TP53BP2: variants seen among roughly 807,000 people sequenced by gnomAD.
The protein encoded by TP53BP2 is apoptosis-stimulating of p53 protein 2.
A neutral mutation model predicts 126.2 loss-of-function variants in TP53BP2; 62 were observed. The observed-to-expected ratio is 0.49, with a 90% confidence interval of 0.40 to 0.61. The LOEUF (loss-of-function observed/expected upper bound fraction) is 0.61, where lower values mean the gene tolerates loss of function less well. Among genes scored for constraint, TP53BP2 ranks in the 20% least tolerant of loss-of-function variants. TP53BP2 has a pLI of 0.00. For synonymous variants in TP53BP2, 485 were observed against 502.9 expected (o/e 0.96, Z 0.48); for missense variants, 1,215 against 1,402.8 (o/e 0.87, Z 2.14).
At chr1:223,831,480 A>AAAAAATATATAT (rs1287271743) in intron 1 of TP53BP2, among the ~76,000 whole-genome samples, 1 of 32,464 alleles carries the variant, frequency 3.1e-5, no homozygotes, top group Non-Finnish European at 6.5e-5. Context: ...AAAAAAAAAA[A>AAAAAATATATAT]ATATATATAT....
Position 223,789,101 on chromosome 1 carries a change from C to T in TP53BP2, c.3070G>A (p.Val1024Met), listed in dbSNP as rs754085262. ...ATGTCACTGTAGGTCATGGCAAACACAGCGGCTCCTGACTCCACCAAAAAC... is the reference window on the plus strand; with the variant it reads ...ATGTCACTGTAGGTCATGGCAAACATAGCGGCTCCTGACTCCACCAAAAAC... ...CKFLVESGAA[V>M]FAMTYSDMQT... Residue 1024 changes from valine (V) to methionine (M), a missense_variant, in exon 16 of 18, where the codon GTG (valine) becomes ATG (methionine). By Grantham distance (21) the Val-to-Met change is conservative. Transcript: ENST00000343537. 6.2e-7 allele frequency: 1 copy of T among 1,614,196 alleles called. No homozygotes were observed. The highest frequency in any genetic ancestry group is 8.5e-7 in the Non-Finnish European group (1 of 1,180,030).
At chr1:223,807,254 G>A (rs1662755413) in intron 4 of TP53BP2, among the ~76,000 whole-genome samples, 1 of 152,140 alleles carries the variant, frequency 6.6e-6, no homozygotes. Flanking sequence ...ACCTTGTTCT[G>A]TAATTTATAT....
rs963470905 is a variant in TP53BP2 at position 223,793,515 on chromosome 1, G to T, written c.2725-75C>A. On this transcript the variant is annotated intron_variant, in intron 13 of 17. Transcript: ENST00000343537. ...ACAACAGCAGCAAATGGGAAGGAAT[G>T]ACTTCTCACCTAAATTAGTGAGAGG... 50 of 1,374,198 alleles carry T rather than the reference G, an allele frequency of 3.6e-5. No homozygotes were observed. The East Asian group carries it at 1.3e-3, about 35-fold the overall frequency. The allele number at this position is 1,374,198 out of a possible 1,614,324, so 85.1% of individuals were successfully genotyped here.
intron 1 of TP53BP2, among the ~76,000 whole-genome samples, chr1:223,842,215 G>A (rs1664123791): frequency 1.3e-5 from 2 of 152,206 alleles, no homozygotes; most frequent in African/African-American, 4.8e-5. Context: ...TGGGATTACA[G>A]GCGTAGCCAC....
intron 16 of TP53BP2, among the ~76,000 whole-genome samples, chr1:223,786,510 G>A (rs1661958402): frequency 1.3e-5 from 2 of 152,032 alleles, no homozygotes; most frequent in South Asian, 4.2e-4. Context: ...ATATAGGTCA[G>A]ATGGTCAATA....
At chr1:223,792,911 A>C (rs1200886344) in intron 14 of TP53BP2, among the ~76,000 whole-genome samples, 1 of 152,062 alleles carries the variant, frequency 6.6e-6, no homozygotes, top group Non-Finnish European at 1.5e-5. Flanking sequence ...GTAGGCTTCT[A>C]AAAGTAGAGA....
At chr1:223,793,197 A>G in intron 14 of TP53BP2, 106 bp downstream of exon 14, 1 of 925,010 alleles carries the variant, frequency 1.1e-6, no homozygotes, top group Admixed American at 3.9e-5. Context: ...AGAGCTTTAA[A>G]ACAAAATACA....
At chr1:223,798,745 C>A in intron 11 of TP53BP2, 68 bp from the exon 12 acceptor site, 1 of 1,279,778 alleles carries the variant, frequency 7.8e-7, no homozygotes, top group Non-Finnish European at 1.1e-6. Context: ...TTCTAGATAA[C>A]CTAATTTCAC....
chr1:223,828,133 A>G (rs1571871357), intron 1 of TP53BP2, among the ~76,000 whole-genome samples: 1 of 152,246 alleles, frequency 6.6e-6, no homozygotes, highest in East Asian at 1.9e-4. Flanking sequence ...GATAAAAAAT[A>G]AAACTGTTAA....
At chr1:223,836,181 A>G (rs1430879594) in intron 1 of TP53BP2, among the ~76,000 whole-genome samples, 1 of 152,228 alleles carries the variant, frequency 6.6e-6, no homozygotes, top group Non-Finnish European at 1.5e-5. Context: ...AAAACTTTCA[A>G]TGCACAAAAT....
intron 1 of TP53BP2, among the ~76,000 whole-genome samples, chr1:223,831,331 A>C (rs1663702383): frequency 6.7e-6 from 1 of 148,864 alleles, no homozygotes; most frequent in African/African-American, 2.5e-5. Context: ...CCAGGAATTC[A>C]AGGTTATAGT....
intron 5 of TP53BP2, 104 bp from the exon 6 acceptor site, chr1:223,804,452 T>C: frequency 9.5e-7 from 1 of 1,053,246 alleles, no homozygotes; most frequent in Admixed American, 2.2e-5. Flanking sequence ...GAGGTACACT[T>C]GTAACCCTGG....
Position 223,800,765 on chromosome 1 carries a change from G to C in TP53BP2, c.1271C>G (p.Ala424Gly). ...PVGPDWSPSN[A>G]DLFPSQGSAS... The stretch of plus-strand genomic sequence containing the variant: ...AGAGCCTTGGCTTGGGAAAAGATCT[G>C]CATTTGAAGGACTCCAATCAGGGCC... The change falls in exon 10 of 18, where the codon GCA (alanine) becomes GGA (glycine). Residue 424 changes from alanine to glycine, a missense_variant. Around this residue, in one of 4 missense-constraint regions of TP53BP2, gnomAD observed 814 missense variants for 853.0 expected, o/e 0.95. Transcript: ENST00000343537. 6.2e-7 allele frequency: 1 copy of C among 1,611,262 alleles called. No individual in the cohort carries two copies. Among genetic ancestry groups the C allele is most frequent in the Non-Finnish European group, 8.5e-7 (1 of 1,179,356 alleles).
intron 4 of TP53BP2, 106 bp from the exon 5 acceptor site, chr1:223,807,053 A>C (rs1460579686): frequency 5.6e-6 from 4 of 712,814 alleles, no homozygotes; most frequent in Non-Finnish European, 9.3e-6. Flanking sequence ...ACCAACTATG[A>C]CAAAATTATT....
rs1232243933 is a variant in TP53BP2, at chr1:223,834,974, TTCC to T, written c.27+10677_27+10679del. On this transcript the variant is annotated intron_variant, in intron 1 of 17. Transcript: ENST00000343537. ...GTTCTTAAATGCCTCCTCCCTGGTT[TTCC>T]TCCTCCTACATTATAACTCACTCCC... is the stretch of plus-strand genomic sequence containing the variant. 8 of 475,838 alleles carry T rather than the reference TTCC, an allele frequency of 1.7e-5. No homozygotes were observed. In the East Asian group the frequency reaches 1.1e-3, roughly 64 times the overall value. 29.5% of individuals were successfully genotyped at this position (475,838 alleles called of 1,614,324 possible).
intron 9 of TP53BP2, among the ~76,000 whole-genome samples, chr1:223,801,280 T>C (rs1662517351): frequency 6.6e-6 from 1 of 152,256 alleles, no homozygotes; most frequent in Non-Finnish European, 1.5e-5. Flanking sequence ...GCCACTGCTT[T>C]CATTTTTCCT....
chr1:223,802,979 A>G (rs1037625493), intron 7 of TP53BP2, 84 bp from the exon 8 acceptor site: 4 of 1,447,080 alleles, frequency 2.8e-6, no homozygotes, highest in South Asian at 1.3e-5. Flanking sequence ...TAACTATTAT[A>G]TAATTTCTAA....
chr1:223,843,236 C>A (rs1048048219), intron 1 of TP53BP2, among the ~76,000 whole-genome samples: 3 of 151,764 alleles, frequency 2.0e-5, no homozygotes, highest in Admixed American at 2.0e-4. Flanking sequence ...TACAGTGGTG[C>A]CATCTCGGCT....
chr1:223,815,614 T>A (rs1663058419), intron 2 of TP53BP2, among the ~76,000 whole-genome samples: 1 of 152,178 alleles, frequency 6.6e-6, no homozygotes, highest in South Asian at 2.1e-4. Context: ...TAGGCTAACA[T>A]CCCGATGGCC....
Sources: gnomAD v4.1 joint callset for allele counts (sites outside exome capture counted in the v4.1 genomes callset) on GRCh38, gnomAD v4.1.1 for gene constraint, gnomAD v4.1.1 regional missense constraint, MANE v1.5 for transcripts, NCBI Gene and HGNC (gene_info 2026-07-23, HGNC 2026-07-21) for gene names.